CLVS1: variants seen among roughly 807,000 people sequenced by gnomAD.
CLVS1 encodes the protein clavesin-1.
A neutral mutation model predicts 33.1 loss-of-function variants in CLVS1; 10 were observed. That is an observed-to-expected ratio of 0.30 (90% CI 0.19 to 0.51). The LOEUF (loss-of-function observed/expected upper bound fraction) is 0.51. CLVS1 is among the 20% of genes least tolerant of loss of function. The pLI, the probability that CLVS1 is intolerant of heterozygous loss-of-function variation, is 0.97. For missense variants in CLVS1, 343 were observed against 433.4 expected, an observed-to-expected ratio of 0.79 and a Z score of 1.85; for synonymous variants, 163 against 166.1, an observed-to-expected ratio of 0.98 and a Z score of 0.14.
At chr8:61,303,620 G>A (rs1333843600) in intron 2 of CLVS1, among the ~76,000 whole-genome samples, 4 of 152,154 alleles carry the variant, frequency 2.6e-5, no homozygotes, top group Non-Finnish European at 5.9e-5. Context: ...TAATGACAAG[G>A]CTATTCCATT....
At chr8:61,493,945 C>T (rs557931845) in intron 5 of CLVS1, among the ~76,000 whole-genome samples, 1 of 152,246 alleles carries the variant, frequency 6.6e-6, no homozygotes, top group African/African-American at 2.4e-5. Flanking sequence ...TGGAGAGCAG[C>T]ATTCCTGTCC....
chr8:61,367,101 C>G (rs1006426774), intron 2 of CLVS1, among the ~76,000 whole-genome samples: 31 of 152,208 alleles, frequency 2.0e-4, no homozygotes, highest in African/African-American at 6.5e-4. Context: ...TCTATTATTT[C>G]CATTCAACTC....
chr8:61,246,962 C>T (rs1168582730), intron 2 of CLVS1, among the ~76,000 whole-genome samples: 1 of 152,110 alleles, frequency 6.6e-6, no homozygotes. Context: ...TCTTCCCACC[C>T]TCCCCACTCA....
chr8:61,335,007 C>T (rs898188975), intron 2 of CLVS1, among the ~76,000 whole-genome samples: 10 of 152,042 alleles, frequency 6.6e-5, no homozygotes, highest in South Asian at 2.1e-4. Context: ...CCAGGAGTGC[C>T]GATTGGTCAG....
At chr8:60,988,853 T>A in the CLVS1 span, among the ~76,000 whole-genome samples, 19,388 of 152,210 alleles carry the variant, frequency 0.13, 1,350 homozygotes, top group Admixed American at 0.16. Flanking sequence ...GCTTTTTTGG[T>A]TTGTCTTATA....
chr8:61,178,602 G>A (rs1480953778), intron 2 of CLVS1, among the ~76,000 whole-genome samples: 2 of 152,070 alleles, frequency 1.3e-5, no homozygotes, highest in African/African-American at 4.8e-5. Context: ...CGAGAGAAAG[G>A]CCAGGTCACC....
chr8:61,050,803 G>A, the CLVS1 span, among the ~76,000 whole-genome samples: 1 of 152,250 alleles, frequency 6.6e-6, no homozygotes, highest in South Asian at 2.1e-4. Context: ...CAGCCCAGCG[G>A]TGGCAGGGAG....
At chr8:61,262,333 CAT>C (rs1809222732) in intron 2 of CLVS1, among the ~76,000 whole-genome samples, 2 of 152,028 alleles carry the variant, frequency 1.3e-5, no homozygotes, top group East Asian at 3.9e-4. Flanking sequence ...ATTTTTAAAA[CAT>C]GTCATACGAT....
chr8:61,165,411 C>T (rs1806842439), intron 2 of CLVS1, among the ~76,000 whole-genome samples: 1 of 152,178 alleles, frequency 6.6e-6, no homozygotes. Context: ...AGCTCGAATG[C>T]CTGGGTTTAT....
chr8:61,202,460 A>G (rs1807753680), intron 2 of CLVS1: 1 of 805,646 alleles, frequency 1.2e-6, no homozygotes, highest in East Asian at 2.4e-5. Flanking sequence ...GATAATGATG[A>G]AAATGAGCGC....
At chr8:61,189,941 A>G (rs10089302) in intron 2 of CLVS1, among the ~76,000 whole-genome samples, 4,578 of 152,196 alleles carry the variant, frequency 0.03, 130 homozygotes, top group Non-Finnish European at 0.037. Context: ...TTAACACCCC[A>G]CTGTCAACAT....
the CLVS1 span, among the ~76,000 whole-genome samples, chr8:60,974,328 C>T: frequency 6.6e-5 from 10 of 152,270 alleles, no homozygotes; most frequent in Non-Finnish European, 1.3e-4. Context: ...CATTTGCCAC[C>T]CTCCAGAGTC....
chr8:61,219,972 C>T (rs1808175013), intron 2 of CLVS1, among the ~76,000 whole-genome samples: 2 of 152,118 alleles, frequency 1.3e-5, no homozygotes, highest in Non-Finnish European at 2.9e-5. Flanking sequence ...TGTTCATATC[C>T]TTTGCCCACT....
upstream of CLVS1, among the ~76,000 whole-genome samples, chr8:61,284,023 A>C (rs977197698): frequency 3.3e-5 from 5 of 152,218 alleles, no homozygotes; most frequent in Non-Finnish European, 4.4e-5. Flanking sequence ...ACACAATGGA[A>C]TACTATTTAC....
chr8:61,245,433 C>T (rs1734019588), intron 2 of CLVS1, among the ~76,000 whole-genome samples: 6 of 152,102 alleles, frequency 3.9e-5, no homozygotes, highest in Admixed American at 3.9e-4. Context: ...GATCTGCCTG[C>T]CTGGGCCTCC....
the CLVS1 span, among the ~76,000 whole-genome samples, chr8:60,972,210 C>T: frequency 8.5e-5 from 13 of 152,238 alleles, no homozygotes; most frequent in African/African-American, 3.1e-4. Flanking sequence ...ATGGTGGTCT[C>T]AGTGTGGTCA....
intron 2 of CLVS1, among the ~76,000 whole-genome samples, chr8:61,326,339 G>C (rs960255334): frequency 6.6e-6 from 1 of 152,170 alleles, no homozygotes; most frequent in African/African-American, 2.4e-5. Context: ...TCATTCGATT[G>C]CATTTAGGTG....
intron 5 of CLVS1, chr8:61,464,524 C>T (rs1487007511): frequency 6.6e-6 from 1 of 152,168 alleles, no homozygotes; most frequent in Non-Finnish European, 1.5e-5. Context: ...GTGAGAGGCA[C>T]TACAAAGGAG....
At chr8:61,096,761 C>T (rs1284238384) in intron 1 of CLVS1, among the ~76,000 whole-genome samples, 1 of 152,110 alleles carries the variant, frequency 6.6e-6, no homozygotes, top group Non-Finnish European at 1.5e-5. Flanking sequence ...GATAGCATTT[C>T]ACATTTATGA....
Sources: allele counts gnomAD v4.1 joint callset (sites outside exome capture counted in the v4.1 genomes callset), GRCh38; gene constraint gnomAD v4.1.1; transcripts MANE v1.5; gene names NCBI Gene and HGNC (gene_info 2026-07-23, HGNC 2026-07-21).